The following EXOC6 variants were observed in gnomAD, a reference collection of about 807,000 sequenced individuals.
EXOC6 encodes the protein SEC15-like 1.
EXOC6 carries 60 observed loss-of-function variants against 112.5 expected under a neutral mutation model. The ratio of observed to expected loss-of-function variants is 0.53; its 90% confidence interval spans 0.43 to 0.66. EXOC6 has a LOEUF of 0.66. Among genes scored for constraint, EXOC6 ranks in the 30% least tolerant of loss-of-function variants. The probability of loss-of-function intolerance (pLI) is 0.00; values close to 1 mark genes in which losing one functional copy is unlikely to be tolerated. For synonymous variants in EXOC6, 295 were observed against 308.0 expected (o/e 0.96, Z 0.44); for missense variants, 855 against 957.1 (o/e 0.89, Z 1.41).
intron 1 of EXOC6, among the ~76,000 whole-genome samples, chr10:92,850,902 G>A (rs2133625787): frequency 6.6e-6 from 1 of 152,036 alleles, no homozygotes; most frequent in East Asian, 1.9e-4. Context: ...CGCAGGCCCT[G>A]ACATATAACA....
At chr10:92,907,247 T>C (rs114994094) in intron 5 of EXOC6, among the ~76,000 whole-genome samples, 2,860 of 152,270 alleles carry the variant, frequency 0.019, 86 homozygotes, top group African/African-American at 0.066. Context: ...TATTGAGTTA[T>C]TTAAATACCT....
At chr10:92,998,547 A>ATTG in intron 19 of EXOC6, among the ~76,000 whole-genome samples, 1 of 150,998 alleles carries the variant, frequency 6.6e-6, no homozygotes, top group African/African-American at 2.4e-5. Context: ...TGTATAAGGC[A>ATTG]TTGTGCTAGG....
intron 8 of EXOC6, among the ~76,000 whole-genome samples, chr10:92,923,968 T>G (rs929724511): frequency 2.0e-5 from 3 of 152,190 alleles, no homozygotes; most frequent in African/African-American, 7.2e-5. Flanking sequence ...AGGAACTGTA[T>G]TGGGAGTTCC....
At chr10:92,953,689 G>T (rs536321393) in intron 15 of EXOC6, among the ~76,000 whole-genome samples, 1 of 152,164 alleles carries the variant, frequency 6.6e-6, no homozygotes, top group Non-Finnish European at 1.5e-5. Context: ...TTTAACTGTT[G>T]TGATAATGAG....
intron 1 of EXOC6, among the ~76,000 whole-genome samples, chr10:92,836,811 C>T (rs1353390343): frequency 6.6e-6 from 1 of 151,968 alleles, no homozygotes; most frequent in Non-Finnish European, 1.5e-5. Flanking sequence ...TGGCCAAATA[C>T]GAGGGTTGAA....
At chr10:92,960,383 A>C (rs1264485636) in intron 17 of EXOC6, among the ~76,000 whole-genome samples, 1 of 152,190 alleles carries the variant, frequency 6.6e-6, no homozygotes, top group African/African-American at 2.4e-5. Flanking sequence ...AGTGAAGCAC[A>C]GAGGATGTTT....
At chr10:93,041,295 G>A (rs955411853) in intron 20 of EXOC6, among the ~76,000 whole-genome samples, 1 of 152,044 alleles carries the variant, frequency 6.6e-6, no homozygotes, top group South Asian at 2.1e-4. Context: ...TTTTAAGATT[G>A]TTACAACAGT....
intron 1 of EXOC6, among the ~76,000 whole-genome samples, chr10:92,851,786 A>G (rs1299362879): frequency 6.6e-6 from 1 of 151,720 alleles, no homozygotes; most frequent in Non-Finnish European, 1.5e-5. Flanking sequence ...AATATTATGA[A>G]TAGGCTGAGT....
chr10:92,849,875 A>T (rs919618902), intron 1 of EXOC6, among the ~76,000 whole-genome samples: 1 of 152,204 alleles, frequency 6.6e-6, no homozygotes, highest in Non-Finnish European at 1.5e-5. Flanking sequence ...AACTCAGAAC[A>T]TTAGGGACCT....
chr10:93,044,755 T>G (rs1845926809), intron 20 of EXOC6, among the ~76,000 whole-genome samples: 1 of 152,202 alleles, frequency 6.6e-6, no homozygotes, highest in Non-Finnish European at 1.5e-5. Flanking sequence ...CTTGAGGCAA[T>G]TGGGATTTAA....
chr10:92,997,678 A>C, intron 19 of EXOC6, 63 bp downstream of exon 19: 1 of 1,444,160 alleles, frequency 6.9e-7, no homozygotes, highest in South Asian at 1.4e-5. Context: ...TTATATGAAA[A>C]AATGTATTTA....
intron 19 of EXOC6, chr10:92,999,341 G>A (rs986020947): frequency 2.3e-5 from 9 of 385,562 alleles, no homozygotes; most frequent in Admixed American, 7.6e-5. Flanking sequence ...GGAATTAGAG[G>A]CGTGAGCTAC....
At position 92,920,057 on chromosome 10, in the gene EXOC6, A is replaced by T; in HGVS notation, c.888+7A>T. The T allele has an allele frequency of 6.4e-7, 1 of 1,560,490 alleles. No individual in the cohort carries two copies. Among genetic ancestry groups the T allele is most frequent in the East Asian group, 2.3e-5 (1 of 44,038 alleles). On this transcript the variant is annotated splice_region_variant and intron_variant, in intron 8 of 21. Coordinates refer to ENST00000260762, the MANE Select transcript of EXOC6 (RefSeq NM_019053.6). The stretch of plus-strand genomic sequence containing the variant: ...GCACATTTATTCTGTTTTGGTAAGT[A>T]TGTTTTATATTTATGTATATATAGC...
rs116389889 is a variant in EXOC6, at chr10:93,019,968, T to C, written c.2169+5701T>C. ...CCATATGGTGAATCACTATTCTTGC[T>C]GCACTATACAAATAATCAGGCCAAA... On this transcript the variant is annotated intron_variant, in intron 20 of 21. Coordinates refer to ENST00000260762, the MANE Select transcript of EXOC6 (RefSeq NM_019053.6). 6.2e-3 allele frequency among the ~76,000 whole-genome samples: 939 copies of C among 152,320 alleles called. 8 individuals carry two copies. The highest frequency in any genetic ancestry group is 0.021 in the African/African-American group (886 of 41,574).
At chr10:93,014,166 T>C (rs1376857528) in intron 19 of EXOC6, 28 bp from the exon 20 acceptor site, 18 of 1,574,934 alleles carry the variant, frequency 1.1e-5, no homozygotes, top group Non-Finnish European at 1.4e-5. Context: ...ATCTCATTTT[T>C]ATTCTTTTTT....
chr10:93,023,720 A>C (rs1449513467), intron 20 of EXOC6, among the ~76,000 whole-genome samples: 1 of 152,240 alleles, frequency 6.6e-6, no homozygotes, highest in Non-Finnish European at 1.5e-5. Context: ...TGTTAAATAT[A>C]ATATTTCAAG....
At chr10:93,022,630 AAGAT>A (rs1316381511) in intron 20 of EXOC6, among the ~76,000 whole-genome samples, 2 of 152,152 alleles carry the variant, frequency 1.3e-5, no homozygotes, top group Non-Finnish European at 2.9e-5. Flanking sequence ...TAAATTGAAA[AAGAT>A]AGATATTTTT....
intron 5 of EXOC6, among the ~76,000 whole-genome samples, chr10:92,903,521 T>C (rs990183575): frequency 6.6e-6 from 1 of 152,000 alleles, no homozygotes; most frequent in Non-Finnish European, 1.5e-5. Flanking sequence ...AGAAAACCTT[T>C]GGAATTGGCT....
rs760181803 is a variant in EXOC6, at chr10:93,058,600, A to G, written c.*245A>G. On this transcript the variant is annotated 3_prime_UTR_variant, in exon 22 of 22. Transcript: ENST00000260762. ...TTTTAGGGGAAAATGCAAAAGTGTA[A>G]TACATAAATTGTCACAAATTATACA... is the stretch of plus-strand genomic sequence containing the variant. 9.4e-6 allele frequency: 3 copies of G among 318,846 alleles called. No homozygotes were observed. The highest frequency in any genetic ancestry group is 1.7e-5 in the Non-Finnish European group (3 of 176,488). 19.8% of individuals were successfully genotyped at this position (318,846 alleles called of 1,614,324 possible).
Sources: allele counts gnomAD v4.1 joint callset (sites outside exome capture counted in the v4.1 genomes callset), GRCh38; gene constraint gnomAD v4.1.1; transcripts MANE v1.5; gene names NCBI Gene and HGNC (gene_info 2026-07-23, HGNC 2026-07-21).